Variants in IMPG2 observed in about 807,000 individuals in gnomAD.
IMPG2 encodes interphotoreceptor matrix proteoglycan 2, also known as IPM 200.
A neutral mutation model predicts 129.2 loss-of-function variants in IMPG2; 91 were observed. The observed-to-expected ratio is 0.70, with a 90% CI of 0.59 to 0.84. IMPG2 has a LOEUF of 0.84. Among genes scored for constraint, IMPG2 ranks in the 40% least tolerant of loss-of-function variants. The pLI is 0.00. For missense variants in IMPG2, 1,430 were observed against 1,461.7 expected, an observed-to-expected ratio of 0.98 and a Z score of 0.35; for synonymous variants, 510 against 517.7, an observed-to-expected ratio of 0.99 and a Z score of 0.20.
intron 11 of IMPG2, 74 bp from the exon 12 acceptor site, chr3:101,246,179 T>C: frequency 4.3e-6 from 6 of 1,407,142 alleles, no homozygotes; most frequent in Non-Finnish European, 3.9e-6. Flanking sequence ...ATACCACCTA[T>C]CTGTCTATAT....
At chr3:101,295,778 C>T (rs1312901645) in intron 3 of IMPG2, among the ~76,000 whole-genome samples, 2 of 152,160 alleles carry the variant, frequency 1.3e-5, no homozygotes, top group Non-Finnish European at 2.9e-5. Flanking sequence ...AGGTTCTTCA[C>T]ATACCTTGTT....
intron 4 of IMPG2, among the ~76,000 whole-genome samples, chr3:101,285,367 C>T (rs1193466421): frequency 6.6e-6 from 1 of 152,196 alleles, no homozygotes; most frequent in African/African-American, 2.4e-5. Context: ...ACTGAATGTG[C>T]TACAGACACA....
chr3:101,319,550 A>ATTATGGAGCTGAAGGATTTGGATGTTCGC (rs777385123), intron 2 of IMPG2, 34 bp downstream of exon 2: 1 of 1,611,356 alleles, frequency 6.2e-7, no homozygotes, highest in Non-Finnish European at 8.5e-7. Flanking sequence ...TTTGAATTTC[A>ATTATGGAGCTGAAGGATTTGGATGTTCGC]TTATGGAGCT....
At position 101,244,411 on chromosome 3, in the gene IMPG2, C is replaced by A. The variant is rs1448927333; in HGVS notation, c.1920G>T (p.Leu640Phe). 2 of 1,614,040 alleles carry A rather than the reference C, an allele frequency of 1.2e-6. No individual in the cohort carries two copies. The highest frequency in any genetic ancestry group is 1.7e-6 in the Non-Finnish European group (2 of 1,180,024). Reference protein sequence around the residue: ...KPWLEDDDSLLPAEIEDKKLV... With the variant: ...KPWLEDDDSLFPAEIEDKKLV... Reference sequence around the variant, plus strand: ...GTTTCTTGTCTTCAATCTCAGCTGGCAAAAGTGAATCATCATCTTCAAGCC... The same window carrying A: ...GTTTCTTGTCTTCAATCTCAGCTGGAAAAAGTGAATCATCATCTTCAAGCC... Residue 640 changes from leucine (L) to phenylalanine (F), a missense_variant, in exon 13 of 19, where the codon TTG becomes TTT. Coordinates refer to ENST00000193391, the MANE Select transcript of IMPG2 (RefSeq NM_016247.4).
At chr3:101,229,138 C>CAAAAAAAAAAA (rs36091939) in intron 17 of IMPG2, among the ~76,000 whole-genome samples, 1 of 132,940 alleles carries the variant, frequency 7.5e-6, no homozygotes, top group Non-Finnish European at 1.6e-5. Context: ...GTTAATAACG[C>CAAAAAAAAAAA]AAAAAAAAAA....
At chr3:101,228,897 T>A (rs370208536) in intron 17 of IMPG2, 21 bp from the exon 18 acceptor site, 176 of 1,564,446 alleles carry the variant, frequency 1.1e-4, no homozygotes, top group Non-Finnish European at 1.5e-4. Flanking sequence ...AAAGAAACAA[T>A]AGGCCACACA....
chr3:101,246,202 T>C (rs1290757376), intron 11 of IMPG2, 97 bp from the exon 12 acceptor site: 1 of 1,174,934 alleles, frequency 8.5e-7, no homozygotes, highest in Non-Finnish European at 1.2e-6. Context: ...CCAGATCTTC[T>C]AGGGACAAGG....
At chr3:101,298,636 T>C (rs1341208847) in intron 3 of IMPG2, among the ~76,000 whole-genome samples, 1 of 152,210 alleles carries the variant, frequency 6.6e-6, no homozygotes, top group African/African-American at 2.4e-5. Context: ...GGAAAGGATT[T>C]TATTTCTCCT....
chr3:101,262,836 T>C (rs1706684530), intron 9 of IMPG2, among the ~76,000 whole-genome samples: 1 of 146,030 alleles, frequency 6.8e-6, no homozygotes, highest in South Asian at 2.1e-4. Context: ...GACACATAAA[T>C]ATCTAGAGTG....
In IMPG2 at chr3:101,273,711, T is replaced by G. The variant is rs1473840305; in HGVS notation, c.698A>C (p.Glu233Ala). ...ISNEIENVIE[E>A]ATKPAGEQIA... ...CTGTTCACCTGCTGGTTTTGTGGCT[T>G]CTTCTATCACATTCTCAATTTCATT... Residue 233 changes from glutamate to alanine, a missense_variant, in exon 7 of 19, where the codon GAA becomes GCA. Glu to Ala is a moderately radical substitution (Grantham distance 107). Coordinates refer to ENST00000193391, the MANE Select transcript of IMPG2 (RefSeq NM_016247.4). 3 of 1,614,192 alleles carry G rather than the reference T, an allele frequency of 1.9e-6. No homozygotes were observed. In the South Asian group the frequency reaches 3.3e-5, roughly 18 times the overall value.
At chr3:101,270,019 C>T (rs998558910) in intron 7 of IMPG2, among the ~76,000 whole-genome samples, 1 of 150,534 alleles carries the variant, frequency 6.6e-6, no homozygotes. Flanking sequence ...CAAACTCCAC[C>T]TTCCAGGTTC....
At chr3:101,315,708 A>T (rs2058781110) in intron 2 of IMPG2, among the ~76,000 whole-genome samples, 2 of 152,134 alleles carry the variant, frequency 1.3e-5, no homozygotes. Context: ...TAAGATGGCA[A>T]TTCTCCCCAA....
chr3:101,275,793 G>T, intron 5 of IMPG2, 48 bp from the exon 6 acceptor site: 3 of 1,331,450 alleles, frequency 2.3e-6, no homozygotes, highest in Non-Finnish European at 3.2e-6. Context: ...CCTCGATTAA[G>T]TCAGAATTCC....
intron 2 of IMPG2, among the ~76,000 whole-genome samples, chr3:101,312,935 G>A (rs941160137): frequency 6.6e-6 from 1 of 152,058 alleles, no homozygotes; most frequent in Non-Finnish European, 1.5e-5. Context: ...GGAAGAGGGG[G>A]AAGGGAGATA....
intron 4 of IMPG2, among the ~76,000 whole-genome samples, chr3:101,278,322 T>A (rs768512767): frequency 5.9e-5 from 9 of 152,170 alleles, no homozygotes; most frequent in Non-Finnish European, 1.2e-4. Flanking sequence ...ATCTCCCTCA[T>A]AGACGTGCCC....
At chr3:101,266,493 T>G (rs1706721416) in intron 9 of IMPG2, among the ~76,000 whole-genome samples, 1 of 152,202 alleles carries the variant, frequency 6.6e-6, no homozygotes, top group Non-Finnish European at 1.5e-5. Context: ...GAAACATACT[T>G]TGAAACTTAA....
chr3:101,305,720 G>T (rs1243127692), intron 2 of IMPG2, among the ~76,000 whole-genome samples: 1 of 151,916 alleles, frequency 6.6e-6, no homozygotes, highest in Admixed American at 6.6e-5. Flanking sequence ...ACTTTAAAAT[G>T]ATATTCAGGA....
intron 3 of IMPG2, among the ~76,000 whole-genome samples, chr3:101,296,160 C>T (rs538106142): frequency 6.6e-6 from 1 of 152,152 alleles, no homozygotes; most frequent in South Asian, 2.1e-4. Flanking sequence ...GGGAATGTTT[C>T]CAGCTTTTGC....
intron 3 of IMPG2, among the ~76,000 whole-genome samples, chr3:101,299,664 G>A (rs1707119515): frequency 6.6e-6 from 1 of 152,112 alleles, no homozygotes; most frequent in African/African-American, 2.4e-5. Flanking sequence ...CTTCTGTAGG[G>A]CTGCTGCAGT....
Sources: allele counts gnomAD v4.1 joint callset (sites outside exome capture counted in the v4.1 genomes callset), GRCh38; gene constraint gnomAD v4.1.1; transcripts MANE v1.5; gene names NCBI Gene and HGNC (gene_info 2026-07-23, HGNC 2026-07-21).